The following ERBB4 variants were observed in gnomAD, a reference collection of about 807,000 sequenced individuals.
The protein encoded by ERBB4 is receptor tyrosine-protein kinase erbB-4.
Under a neutral mutation model 158.0 loss-of-function variants are expected in ERBB4, and 42 were observed. The observed-to-expected ratio is 0.27, with a 90% confidence interval of 0.21 to 0.34. ERBB4 has a LOEUF of 0.34. Among genes scored for constraint, ERBB4 ranks in the 10% least tolerant of loss-of-function variants. The pLI is 1.00. For synonymous variants in ERBB4, 583 were observed against 558.7 expected (o/e 1.04, Z -0.61); for missense variants, 1,333 against 1,624.1 (o/e 0.82, Z 3.08).
chr2:212,151,684 T>A (rs1385020231), intron 1 of ERBB4, among the ~76,000 whole-genome samples: 3 of 151,372 alleles, frequency 2.0e-5, no homozygotes, highest in Non-Finnish European at 4.4e-5. Context: ...AGGTCAGGAG[T>A]TCGAGATCAG....
chr2:211,579,380 T>C (rs1248047083), intron 19 of ERBB4, among the ~76,000 whole-genome samples: 1 of 152,124 alleles, frequency 6.6e-6, no homozygotes, highest in Non-Finnish European at 1.5e-5. Context: ...CATTGTGGAA[T>C]ATAGTGTGGC....
At chr2:211,829,288 C>G (rs1217644588) in intron 3 of ERBB4, among the ~76,000 whole-genome samples, 1 of 152,102 alleles carries the variant, frequency 6.6e-6, no homozygotes, top group Non-Finnish European at 1.5e-5. Flanking sequence ...CACACACACA[C>G]ATTATTTTAG....
At chr2:211,872,722 A>G (rs1280671943) in intron 3 of ERBB4, among the ~76,000 whole-genome samples, 1 of 152,110 alleles carries the variant, frequency 6.6e-6, no homozygotes, top group Non-Finnish European at 1.5e-5. Context: ...TTTTCCTATT[A>G]CAAATTTACT....
intron 25 of ERBB4, among the ~76,000 whole-genome samples, chr2:211,401,190 A>C (rs189588360): frequency 6.6e-6 from 1 of 152,110 alleles, no homozygotes; most frequent in Non-Finnish European, 1.5e-5. Context: ...AAAGGTGTAC[A>C]TGAAATATCC....
intron 3 of ERBB4, among the ~76,000 whole-genome samples, chr2:211,863,410 G>T (rs2078120240): frequency 6.6e-6 from 1 of 152,224 alleles, no homozygotes; most frequent in Non-Finnish European, 1.5e-5. Flanking sequence ...TGCTGTGGAA[G>T]CTTTGTTCTT....
intron 20 of ERBB4, among the ~76,000 whole-genome samples, chr2:211,550,574 A>AATATATATATATATATATATATATATAT (rs376362405): frequency 3.7e-5 from 5 of 136,904 alleles, no homozygotes; most frequent in African/African-American, 1.4e-4. Context: ...CATTCCTTAG[A>AATATATATATATATATATATATATATAT]ATATATATAT....
At chr2:211,967,330 A>T (rs1199498705) in intron 2 of ERBB4, among the ~76,000 whole-genome samples, 1 of 152,150 alleles carries the variant, frequency 6.6e-6, no homozygotes. Context: ...TTAGTATTTA[A>T]GAGGCTTTAC....
intron 2 of ERBB4, among the ~76,000 whole-genome samples, chr2:212,058,982 G>A (rs1178347597): frequency 3.3e-5 from 5 of 152,146 alleles, no homozygotes; most frequent in Non-Finnish European, 5.9e-5. Context: ...ATTCAATTAG[G>A]CATAGAGGAA....
At chr2:211,678,936 C>T (rs978441123) in intron 13 of ERBB4, 116 bp downstream of exon 13, 2 of 1,016,454 alleles carry the variant, frequency 2.0e-6, no homozygotes, top group East Asian at 3.1e-5. Context: ...CGCTGCACTC[C>T]AGCCAGGGCG....
At chr2:211,786,478 T>A (rs1296546880) in intron 4 of ERBB4, among the ~76,000 whole-genome samples, 1 of 152,228 alleles carries the variant, frequency 6.6e-6, no homozygotes, top group Non-Finnish European at 1.5e-5. Flanking sequence ...TTTTTGCACC[T>A]GCAATTATTT....
At chr2:212,011,568 T>C (rs1259029170) in intron 2 of ERBB4, among the ~76,000 whole-genome samples, 1 of 151,834 alleles carries the variant, frequency 6.6e-6, no homozygotes, top group Non-Finnish European at 1.5e-5. Context: ...CTGGGCAACA[T>C]GGCGAAACTC....
chr2:211,672,743 T>C (rs1228770171), intron 14 of ERBB4, among the ~76,000 whole-genome samples: 1 of 152,212 alleles, frequency 6.6e-6, no homozygotes, highest in South Asian at 2.1e-4. Context: ...CTTCAAAGCA[T>C]AGCTCCAGCA....
chr2:212,460,676 G>A (rs1574962555), intron 1 of ERBB4, among the ~76,000 whole-genome samples: 1 of 152,188 alleles, frequency 6.6e-6, no homozygotes, highest in Non-Finnish European at 1.5e-5. Context: ...TGCTGTTAAA[G>A]CACTCAGTTT....
chr2:211,555,276 C>G (rs2067207420), intron 20 of ERBB4, among the ~76,000 whole-genome samples: 1 of 152,120 alleles, frequency 6.6e-6, no homozygotes, highest in Non-Finnish European at 1.5e-5. Flanking sequence ...ACCTCTACCT[C>G]CCAGGTTCAA....
chr2:212,105,794 T>C (rs188653383), intron 2 of ERBB4, among the ~76,000 whole-genome samples: 3 of 152,248 alleles, frequency 2.0e-5, no homozygotes, highest in African/African-American at 7.2e-5. Flanking sequence ...AGGGACCCAG[T>C]TGGATGTAAT....
chr2:211,387,985 AT>A lies in ERBB4; in HGVS notation c.3142del (p.Ile1048LeufsTer104). ...GTAGGCAGGAGGAGGGCTGTGTCCA[AT>A]TTCACTCTAATAGGAAAGAAAAATG... Reference protein sequence around the residue: ...RARIDSNRSEIGHSPPPAYTP... With the variant: ...RARIDSNRSEXGHSPPPAYTP... On this transcript the variant is annotated frameshift_variant, in exon 26 of 28. Coordinates refer to ENST00000342788, the MANE Select transcript of ERBB4 (RefSeq NM_005235.3). LOFTEE classifies it high-confidence loss of function. The A allele has an allele frequency of 6.2e-7, 1 of 1,602,034 alleles. No individual in the cohort carries two copies. The highest frequency in any genetic ancestry group is 1.3e-5 in the African/African-American group (1 of 74,732).
At chr2:211,710,664 G>C (rs2073663101) in intron 9 of ERBB4, among the ~76,000 whole-genome samples, 1 of 152,174 alleles carries the variant, frequency 6.6e-6, no homozygotes, top group African/African-American at 2.4e-5. Context: ...GAGGGACCCA[G>C]TGGGAGGAAA....
Position 211,996,332 on chromosome 2 carries a change from A to C in ERBB4, c.235-48716T>G, listed in dbSNP as rs116070120. Among the ~76,000 whole-genome samples, 1,350 of 151,954 alleles carry C rather than the reference A, an allele frequency of 8.9e-3. 15 individuals are homozygous for C. Among genetic ancestry groups the C allele is most frequent in the African/African-American group, 0.031 (1,286 of 41,484 alleles). ...CATTATCCTTGTTTTATTATTCATT[A>C]GTCTTTAGTAACTATTGATACTAGA... On this transcript the variant is annotated intron_variant, in intron 2 of 27. Coordinates refer to ENST00000342788, the MANE Select transcript of ERBB4 (RefSeq NM_005235.3).
intron 16 of ERBB4, among the ~76,000 whole-genome samples, chr2:211,641,936 T>G (rs2070609962): frequency 6.6e-6 from 1 of 151,066 alleles, no homozygotes; most frequent in Non-Finnish European, 1.5e-5. Flanking sequence ...ATTTCTAATT[T>G]TTTTTTTTGT....
Sources: allele counts gnomAD v4.1 joint callset (sites outside exome capture counted in the v4.1 genomes callset), GRCh38; gene constraint gnomAD v4.1.1; transcripts MANE v1.5; gene names NCBI Gene and HGNC (gene_info 2026-07-23, HGNC 2026-07-21).